Variants in ZPBP observed in about 807,000 individuals in gnomAD.
ZPBP encodes the protein zona pellucida-binding protein 1.
ZPBP carries 26 observed loss-of-function variants against 44.8 expected under a neutral mutation model. That is an observed-to-expected ratio of 0.58 (90% CI 0.43 to 0.81). ZPBP has a LOEUF of 0.81. ZPBP is among the 30% of genes least tolerant of loss of function. ZPBP has a pLI of 0.00. For synonymous variants in ZPBP, 174 were observed against 153.2 expected, an observed-to-expected ratio of 1.14 and a Z score of -1.00; for missense variants, 409 against 434.0, an observed-to-expected ratio of 0.94 and a Z score of 0.51.
At chr7:49,892,940 T>C (rs1460830100) in intron 2 of ZPBP, among the ~76,000 whole-genome samples, 2 of 87,446 alleles carry the variant, frequency 2.3e-5, no homozygotes, top group African/African-American at 8.2e-5. Flanking sequence ...GAAAAGATCT[T>C]CAATGAAGAA....
intron 7 of ZPBP, among the ~76,000 whole-genome samples, chr7:49,956,389 A>T (rs1426404430): frequency 6.6e-6 from 1 of 152,104 alleles, no homozygotes; most frequent in African/African-American, 2.4e-5. Flanking sequence ...CCTCATTGAA[A>T]ATTTCAAGAA....
chr7:49,891,405 T>C (rs772485374), intron 2 of ZPBP, among the ~76,000 whole-genome samples: 1 of 152,208 alleles, frequency 6.6e-6, no homozygotes, highest in Non-Finnish European at 1.5e-5. Context: ...TTATTTGTCA[T>C]CACACATCAG....
At chr7:49,943,538 A>G (rs1794975843) in intron 7 of ZPBP, 1 of 398,816 alleles carries the variant, frequency 2.5e-6, no homozygotes, top group Non-Finnish European at 4.9e-6. Context: ...CCAAACTGCC[A>G]CAGAAGCTGA....
intron 1 of ZPBP, chr7:49,919,706 AC>A (rs974640268): frequency 2.6e-5 from 4 of 152,356 alleles, no homozygotes; most frequent in African/African-American, 9.6e-5. Flanking sequence ...CCAAACAATA[AC>A]AGCAATGGTG....
At chr7:50,040,799 C>T (rs1036093864) in intron 4 of ZPBP, among the ~76,000 whole-genome samples, 18 of 152,100 alleles carry the variant, frequency 1.2e-4, no homozygotes, top group South Asian at 4.1e-4. Flanking sequence ...GGAACACCAG[C>T]GAGACAGAAC....
intron 2 of ZPBP, among the ~76,000 whole-genome samples, chr7:49,875,799 TA>T (rs1214826108): frequency 6.6e-6 from 1 of 152,136 alleles, no homozygotes; most frequent in East Asian, 1.9e-4. Flanking sequence ...AGTAACCATT[TA>T]TTGTTAGTAT....
chr7:49,948,272 C>A (rs1344725873), intron 7 of ZPBP, among the ~76,000 whole-genome samples: 1 of 152,128 alleles, frequency 6.6e-6, no homozygotes, highest in Non-Finnish European at 1.5e-5. Flanking sequence ...GGTGTTCCAG[C>A]AGGAGGGATA....
At chr7:49,858,966 A>G (rs1225530676) in intron 2 of ZPBP, among the ~76,000 whole-genome samples, 1 of 152,204 alleles carries the variant, frequency 6.6e-6, no homozygotes, top group Admixed American at 6.5e-5. Context: ...TTATCAGAAT[A>G]TGTCAGGATA....
chr7:49,961,902 T>C (rs1795875081), intron 7 of ZPBP, among the ~76,000 whole-genome samples: 1 of 152,046 alleles, frequency 6.6e-6, no homozygotes, highest in Non-Finnish European at 1.5e-5. Flanking sequence ...CAATGGATGA[T>C]ACATGTACAC....
chr7:49,904,617 A>T (rs1792979491), intron 1 of ZPBP, among the ~76,000 whole-genome samples: 1 of 152,222 alleles, frequency 6.6e-6, no homozygotes, highest in East Asian at 1.9e-4. Context: ...TTAAATTTTT[A>T]TAACTTACCA....
intron 1 of ZPBP, among the ~76,000 whole-genome samples, chr7:49,911,861 C>A (rs907612304): frequency 3.3e-5 from 5 of 151,564 alleles, no homozygotes; most frequent in African/African-American, 1.2e-4. Flanking sequence ...CGTGCCACTG[C>A]ACTCCAGCCT....
At chr7:49,876,538 C>T (rs891988955) in intron 2 of ZPBP, among the ~76,000 whole-genome samples, 3 of 152,164 alleles carry the variant, frequency 2.0e-5, no homozygotes, top group South Asian at 4.1e-4. Context: ...ATGCTGCTGA[C>T]ATGATTCATA....
intron 7 of ZPBP, among the ~76,000 whole-genome samples, chr7:49,962,566 T>C (rs564554212): frequency 6.6e-6 from 1 of 151,866 alleles, no homozygotes; most frequent in Non-Finnish European, 1.5e-5. Flanking sequence ...GCTCTGATAG[T>C]GGGAACAAGA....
At chr7:50,091,774 T>C (rs1351529072) in intron 1 of ZPBP, among the ~76,000 whole-genome samples, 1 of 152,198 alleles carries the variant, frequency 6.6e-6, no homozygotes, top group East Asian at 1.9e-4. Context: ...ATGGGCATAA[T>C]AGTGTGAGGG....
intron 7 of ZPBP, among the ~76,000 whole-genome samples, chr7:49,954,543 A>G (rs1795488391): frequency 6.6e-6 from 1 of 152,184 alleles, no homozygotes; most frequent in East Asian, 1.9e-4. Context: ...AATAACTGGT[A>G]CAATATATAA....
chr7:49,846,770 T>C (rs1456959969), downstream of ZPBP, among the ~76,000 whole-genome samples: 1 of 152,194 alleles, frequency 6.6e-6, no homozygotes, highest in Non-Finnish European at 1.5e-5. Flanking sequence ...TTTCCTGATA[T>C]AGGAATGCAT....
chr7:49,973,223 C>T (rs1796370743), intron 7 of ZPBP, among the ~76,000 whole-genome samples: 3 of 151,040 alleles, frequency 2.0e-5, no homozygotes, highest in African/African-American at 7.3e-5. Flanking sequence ...CTGGACTTAA[C>T]TCCAATTGGA....
chr7:50,067,723 T>A (rs1271226605), intron 3 of ZPBP, among the ~76,000 whole-genome samples: 8 of 152,084 alleles, frequency 5.3e-5, no homozygotes, highest in Admixed American at 4.6e-4. Flanking sequence ...GGGTTTAGAG[T>A]ATTCACAGTC....
chr7:50,006,234 T>A (rs1798305771), intron 6 of ZPBP, among the ~76,000 whole-genome samples: 1 of 151,928 alleles, frequency 6.6e-6, no homozygotes, highest in African/African-American at 2.4e-5. Flanking sequence ...AAGATTAGTA[T>A]GTAAATAGAG....
Sources: gnomAD v4.1 joint callset for allele counts (sites outside exome capture counted in the v4.1 genomes callset) on GRCh38, gnomAD v4.1.1 for gene constraint, MANE v1.5 for transcripts, NCBI Gene and HGNC (gene_info 2026-07-23, HGNC 2026-07-21) for gene names.